The following DIAPH3 variants were observed in gnomAD, a reference collection of about 807,000 sequenced individuals.
The protein encoded by DIAPH3 is diaphanous related formin 3, also known as protein diaphanous homolog 3.
DIAPH3 carries 117 observed loss-of-function variants against 144.3 expected under a neutral mutation model. The ratio of observed to expected loss-of-function variants is 0.81; its 90% CI spans 0.70 to 0.95. DIAPH3 has a LOEUF of 0.95. Among genes scored for constraint, DIAPH3 ranks in the 40% least tolerant of loss-of-function variants. The probability of loss-of-function intolerance (pLI) is 0.00; values close to 1 mark genes in which losing one functional copy is unlikely to be tolerated. For synonymous variants in DIAPH3, 519 were observed against 488.9 expected, an observed-to-expected ratio of 1.06 and a Z score of -0.81; for missense variants, 1,421 against 1,412.7, an observed-to-expected ratio of 1.01 and a Z score of -0.09.
chr13:60,025,794 A>G (rs1949222391), intron 5 of DIAPH3, among the ~76,000 whole-genome samples: 1 of 152,170 alleles, frequency 6.6e-6, no homozygotes, highest in African/African-American at 2.4e-5. Context: ...TTGATGGAAG[A>G]AATTTGTAGG....
intron 27 of DIAPH3, among the ~76,000 whole-genome samples, chr13:59,756,553 G>A (rs1266532000): frequency 6.7e-6 from 1 of 149,498 alleles, no homozygotes; most frequent in East Asian, 2.0e-4. Context: ...AGGGAGGGAG[G>A]AAGGGAGAGA....
rs185002797 is a variant in DIAPH3, at chr13:60,026,028, A to G, written c.627-9883T>C. Among the ~76,000 whole-genome samples, 34 of 152,272 alleles carry G rather than the reference A, an allele frequency of 2.2e-4. 1 individual carries two copies. The East Asian group carries it at 6.4e-3, about 29-fold the overall frequency. On this transcript the variant is annotated intron_variant, in intron 5 of 27. Coordinates refer to ENST00000400324, the MANE Select transcript of DIAPH3 (RefSeq NM_001042517.2). ...AGAAATGGTATATAAGGCATTTTCT[A>G]TTATTATTCTTAAATGTTTTTGTTC...
In DIAPH3 at chr13:59,799,961, A is replaced by C. The variant is rs11841479; in HGVS notation, c.3163+10827T>G. Among the ~76,000 whole-genome samples, 878 of 152,312 alleles carry C rather than the reference A, an allele frequency of 5.8e-3. 9 individuals are homozygous for C. Among genetic ancestry groups the C allele is most frequent in the Middle Eastern group, 0.027 (8 of 294 alleles). On this transcript the variant is annotated intron_variant, in intron 25 of 27. Transcript: ENST00000400324. ...TCCCTCCTTTCTTGTACTTTATTAAAGATTAATATTGAGTATCTAATTAAT... is the reference window on the plus strand; with the variant it reads ...TCCCTCCTTTCTTGTACTTTATTAACGATTAATATTGAGTATCTAATTAAT...
intron 13 of DIAPH3, among the ~76,000 whole-genome samples, chr13:59,982,557 C>T (rs759320132): frequency 6.6e-6 from 1 of 151,560 alleles, no homozygotes; most frequent in Non-Finnish European, 1.5e-5. Flanking sequence ...AAACATAACC[C>T]TGCACAGATA....
intron 4 of DIAPH3, among the ~76,000 whole-genome samples, chr13:60,045,453 T>C (rs1053946023): frequency 6.6e-6 from 1 of 152,240 alleles, no homozygotes; most frequent in Non-Finnish European, 1.5e-5. Flanking sequence ...CATCGTTTGA[T>C]ACCTATTGTT....
At chr13:60,147,585 C>G (rs1951589690) in intron 1 of DIAPH3, among the ~76,000 whole-genome samples, 1 of 152,118 alleles carries the variant, frequency 6.6e-6, no homozygotes, top group Non-Finnish European at 1.5e-5. Context: ...CAAGCATGCA[C>G]AGAGGACACT....
intron 27 of DIAPH3, among the ~76,000 whole-genome samples, chr13:59,714,319 C>T (rs2034928202): frequency 6.8e-6 from 1 of 147,016 alleles, no homozygotes; most frequent in South Asian, 2.2e-4. Flanking sequence ...GAGATCCCGC[C>T]ACTGCACTCC....
chr13:60,081,187 A>G (rs1023164959), intron 4 of DIAPH3, among the ~76,000 whole-genome samples: 3 of 151,968 alleles, frequency 2.0e-5, no homozygotes, highest in Admixed American at 1.3e-4. Flanking sequence ...GAATTTCCCA[A>G]CTATCAATGG....
intron 22 of DIAPH3, chr13:59,861,153 G>T: frequency 3.3e-6 from 4 of 1,208,958 alleles, no homozygotes; most frequent in Non-Finnish European, 4.4e-6. Context: ...GGGCTAGCAG[G>T]TATCTACAAG....
chr13:60,119,280 T>C (rs1240068962), intron 2 of DIAPH3, among the ~76,000 whole-genome samples: 1 of 152,192 alleles, frequency 6.6e-6, no homozygotes, highest in African/African-American at 2.4e-5. Flanking sequence ...CACTAAAAGA[T>C]AAACAGGTTT....
In DIAPH3 at chr13:59,992,195, A is replaced by G; in HGVS notation, c.1126-9T>C. 1.9e-6 allele frequency: 3 copies of G among 1,587,360 alleles called. No individual in the cohort carries two copies. Among genetic ancestry groups the G allele is most frequent in the Non-Finnish European group, 2.6e-6 (3 of 1,157,218 alleles). On this transcript the variant is annotated splice_polypyrimidine_tract_variant and intron_variant, in intron 10 of 27. Coordinates refer to ENST00000400324, the MANE Select transcript of DIAPH3 (RefSeq NM_001042517.2). ...TTAATGCATTTTAAATTCTAGAGAT[A>G]TGAAATAGAAATTATGATGAATGAT... is the stretch of plus-strand genomic sequence containing the variant.
intron 27 of DIAPH3, among the ~76,000 whole-genome samples, chr13:59,669,672 AG>A (rs2032243749): frequency 6.6e-6 from 1 of 152,070 alleles, no homozygotes; most frequent in Non-Finnish European, 1.5e-5. Context: ...TTCTTTCTCC[AG>A]GTGCTCATTC....
chr13:59,750,684 C>T (rs2036962035), intron 27 of DIAPH3, among the ~76,000 whole-genome samples: 1 of 152,090 alleles, frequency 6.6e-6, no homozygotes. Flanking sequence ...TTGGTTGGTT[C>T]CAACCAAATG....
At chr13:59,712,799 G>C (rs1194619429) in intron 27 of DIAPH3, among the ~76,000 whole-genome samples, 3 of 152,134 alleles carry the variant, frequency 2.0e-5, no homozygotes, top group Non-Finnish European at 4.4e-5. Flanking sequence ...TGTCTGTTTT[G>C]TTTAATACTA....
intron 27 of DIAPH3, among the ~76,000 whole-genome samples, chr13:59,730,357 A>T (rs1445228173): frequency 2.6e-5 from 4 of 152,178 alleles, no homozygotes; most frequent in African/African-American, 9.7e-5. Flanking sequence ...TATGTTTCAT[A>T]AATCTGGAAG....
intron 1 of DIAPH3, among the ~76,000 whole-genome samples, chr13:60,151,747 G>A (rs1252162414): frequency 1.3e-4 from 20 of 152,082 alleles, no homozygotes; most frequent in Admixed American, 1.2e-3. Context: ...ATAACAATAA[G>A]AGCAAAATTA....
At chr13:60,027,702 A>G (rs2054476946) in intron 5 of DIAPH3, among the ~76,000 whole-genome samples, 1 of 152,194 alleles carries the variant, frequency 6.6e-6, no homozygotes, top group African/African-American at 2.4e-5. Context: ...ATTATAAAAA[A>G]GGAAATATCT....
intron 20 of DIAPH3, among the ~76,000 whole-genome samples, chr13:59,905,455 C>G (rs2046686016): frequency 6.7e-6 from 1 of 149,952 alleles, no homozygotes; most frequent in Non-Finnish European, 1.5e-5. Flanking sequence ...AATTCAAAGA[C>G]TAAGTATGAT....
chr13:60,052,386 T>C (rs2056383849), intron 4 of DIAPH3, among the ~76,000 whole-genome samples: 2 of 152,274 alleles, frequency 1.3e-5, no homozygotes, highest in South Asian at 2.1e-4. Flanking sequence ...CAAAGTTCAC[T>C]AGGAGTGATA....
Sources: gnomAD v4.1 joint callset for allele counts (sites outside exome capture counted in the v4.1 genomes callset) on GRCh38, gnomAD v4.1.1 for gene constraint, MANE v1.5 for transcripts, NCBI Gene and HGNC (gene_info 2026-07-23, HGNC 2026-07-21) for gene names.